The following OTOGL variants were observed in gnomAD, a reference collection of about 807,000 sequenced individuals.
OTOGL encodes otogelin like, also known as otogelin-like protein.
Under a neutral mutation model 318.5 loss-of-function variants are expected in OTOGL, and 285 were observed. The ratio of observed to expected loss-of-function variants is 0.89; its 90% CI spans 0.81 to 0.99. OTOGL has a LOEUF of 0.99. OTOGL is among the 50% of genes least tolerant of loss of function. The probability of loss-of-function intolerance (pLI) is 0.00; values close to 1 mark genes in which losing one functional copy is unlikely to be tolerated. For missense variants in OTOGL, 2,899 were observed against 2,845.6 expected (o/e 1.02, Z -0.43); for synonymous variants, 987 against 936.5 (o/e 1.05, Z -0.99).
At chr12:80,217,205 C>T (rs1203368394) in intron 4 of OTOGL, among the ~76,000 whole-genome samples, 1 of 151,556 alleles carries the variant, frequency 6.6e-6, no homozygotes, top group African/African-American at 2.4e-5. Flanking sequence ...GCAGGCAAAG[C>T]AGTCAATTAT....
At chr12:80,276,268 A>G (rs1883797965) in intron 24 of OTOGL, among the ~76,000 whole-genome samples, 1 of 151,776 alleles carries the variant, frequency 6.6e-6, no homozygotes, top group South Asian at 2.1e-4. Context: ...AGCTATAGGA[A>G]TGGGGGGTAC....
At position 80,318,606 on chromosome 12, in the gene OTOGL, C is replaced by T; in HGVS notation, c.3695C>T (p.Ala1232Val). The T allele has an allele frequency of 6.9e-7, 1 of 1,454,732 alleles. No individual in the cohort carries two copies. The highest frequency in any genetic ancestry group is 9.1e-7 in the Non-Finnish European group (1 of 1,104,132). The allele number at this position is 1,454,732 out of a possible 1,614,324, so 90.1% of individuals were successfully genotyped here. A position where few individuals can be genotyped will look rare whatever the true frequency, so the allele number is the denominator to read the frequency against. The change falls in exon 33 of 59, where the codon GCC becomes GTC. Residue 1232 changes from alanine to valine, a missense_variant. Physicochemically the swap from Ala to Val is moderately conservative, Grantham distance 64. Coordinates refer to ENST00000547103, the MANE Select transcript of OTOGL (RefSeq NM_001378609.3). Reference sequence around the variant, plus strand: ...GGGCAGAGTGGCCTTGTTCTGGGGGCCAATATGACCAGCAGAAGCGTTTTC... The same window carrying T: ...GGGCAGAGTGGCCTTGTTCTGGGGGTCAATATGACCAGCAGAAGCGTTTTC... The part of the protein sequence containing the change: ...SYGQSGLVLG[A>V]NMTSRSVFCL...
chr12:80,200,040 A>G (rs1193489213), intron 1 of OTOGL, among the ~76,000 whole-genome samples: 2 of 152,194 alleles, frequency 1.3e-5, no homozygotes, highest in South Asian at 2.1e-4. Flanking sequence ...GGAGATGACC[A>G]TTGGCATCAT....
chr12:80,111,609 A>T (rs1015735185), intron 1 of OTOGL, among the ~76,000 whole-genome samples: 1 of 152,018 alleles, frequency 6.6e-6, no homozygotes, highest in Non-Finnish European at 1.5e-5. Context: ...TGGTCTATAT[A>T]TCTGTTTTGG....
chr12:80,273,780 C>T (rs1592641577), intron 24 of OTOGL, among the ~76,000 whole-genome samples: 1 of 152,044 alleles, frequency 6.6e-6, no homozygotes, highest in South Asian at 2.1e-4. Context: ...TCTGTTGGTG[C>T]CATTTTCCAA....
intron 48 of OTOGL, 127 bp downstream of exon 48, chr12:80,356,647 AT>A: frequency 2.5e-6 from 2 of 808,228 alleles, no homozygotes; most frequent in South Asian, 2.9e-5. Flanking sequence ...TGTCTTGCTA[AT>A]TTTTTAAACC....
At chr12:80,376,986 T>G in intron 57 of OTOGL, 137 bp from the exon 58 acceptor site, 1 of 515,536 alleles carries the variant, frequency 1.9e-6, no homozygotes, top group Middle Eastern at 5.6e-4. Context: ...AAGAGAGAAG[T>G]TTTAAATATC....
chr12:80,133,993 TA>T lies in OTOGL; in HGVS notation c.-20+34398del, dbSNP rs528738288. On this transcript the variant is annotated intron_variant, in intron 1 of 58. Coordinates refer to ENST00000547103, the MANE Select transcript of OTOGL (RefSeq NM_001378609.3). ...AAACAAACAAAATTAAAAGCTAAAATAAAAAAAAAAGTAGAGTCACTGAATT... is the reference window on the plus strand; with the variant it reads ...AAACAAACAAAATTAAAAGCTAAAATAAAAAAAAAGTAGAGTCACTGAATT... Among the ~76,000 whole-genome samples, 38 of 146,168 alleles carry T rather than the reference TA, an allele frequency of 2.6e-4. 1 individual carries two copies. The highest frequency in any genetic ancestry group is 1.6e-3 in the East Asian group (8 of 5,066).
intron 1 of OTOGL, among the ~76,000 whole-genome samples, chr12:80,126,301 A>G (rs941522711): frequency 1.3e-5 from 2 of 152,040 alleles, no homozygotes; most frequent in African/African-American, 4.8e-5. Flanking sequence ...TTATGTACCC[A>G]GTAGTCATTC....
intron 1 of OTOGL, among the ~76,000 whole-genome samples, chr12:80,147,070 T>A (rs1345377236): frequency 6.6e-6 from 1 of 151,134 alleles, no homozygotes; most frequent in Non-Finnish European, 1.5e-5. Flanking sequence ...TCTGCTCTGA[T>A]TTTAGTTATT....
chr12:80,298,847 T>C (rs1405885436), intron 27 of OTOGL, among the ~76,000 whole-genome samples: 1 of 152,190 alleles, frequency 6.6e-6, no homozygotes, highest in African/African-American at 2.4e-5. Context: ...GTCCAGACTA[T>C]GGAGGCTCTT....
At chr12:80,354,233 A>G (rs148661402) in intron 46 of OTOGL, among the ~76,000 whole-genome samples, 1 of 152,296 alleles carries the variant, frequency 6.6e-6, no homozygotes, top group East Asian at 1.9e-4. Context: ...TTTCCTCTTC[A>G]TATTTTATTC....
At chr12:80,274,858 G>T (rs1309751903) in intron 24 of OTOGL, among the ~76,000 whole-genome samples, 1 of 151,966 alleles carries the variant, frequency 6.6e-6, no homozygotes, top group Non-Finnish European at 1.5e-5. Context: ...GAACAACAAA[G>T]CCTGGGTGGC....
intron 32 of OTOGL, among the ~76,000 whole-genome samples, chr12:80,317,000 T>C (rs1269559652): frequency 6.6e-6 from 1 of 152,168 alleles, no homozygotes; most frequent in African/African-American, 2.4e-5. Context: ...TTTTAAAAAG[T>C]AGTAGAAGAA....
At chr12:80,119,886 T>C (rs1052006503) in intron 1 of OTOGL, among the ~76,000 whole-genome samples, 1 of 152,168 alleles carries the variant, frequency 6.6e-6, no homozygotes, top group Non-Finnish European at 1.5e-5. Context: ...ATACCTTTTA[T>C]GTTTCAAAAA....
At position 80,353,442 on chromosome 12, in the gene OTOGL, G is replaced by C. The variant is rs752283405; in HGVS notation, c.5525G>C (p.Cys1842Ser). The change falls in exon 46 of 59, where the codon TGT becomes TCT. Residue 1842 changes from cysteine (C) to serine (S), a missense_variant. Around this residue, in one of 3 missense-constraint regions of OTOGL, gnomAD observed 2,607 missense variants for 2,524.9 expected, o/e 1.03. Transcript: ENST00000547103. ...TCCTGTTTGAATCTAAGAGAAGACT[G>C]TGTGTGCAAAGTTGGAACTATTCTT... ...HTSCLNLRED[C>S]VCKVGTILHR... 2 of 1,604,356 alleles carry C rather than the reference G, an allele frequency of 1.2e-6. No individual in the cohort carries two copies. The highest frequency in any genetic ancestry group is 8.5e-7 in the Non-Finnish European group (1 of 1,174,980).
chr12:80,193,618 T>G (rs1054474731), intron 1 of OTOGL, among the ~76,000 whole-genome samples: 1 of 152,206 alleles, frequency 6.6e-6, no homozygotes, highest in Admixed American at 6.5e-5. Flanking sequence ...TAACTTATCC[T>G]CATATATGCT....
intron 1 of OTOGL, among the ~76,000 whole-genome samples, chr12:80,153,587 T>C (rs1872926187): frequency 6.6e-6 from 1 of 152,198 alleles, no homozygotes. Flanking sequence ...ACATTAGAGT[T>C]CATTCTTGGT....
chr12:80,152,161 G>T (rs1461405358), intron 1 of OTOGL, among the ~76,000 whole-genome samples: 1 of 152,104 alleles, frequency 6.6e-6, no homozygotes, highest in Non-Finnish European at 1.5e-5. Context: ...GGTCACATGA[G>T]CATGTTAGGC....
Sources: allele counts gnomAD v4.1 joint callset (sites outside exome capture counted in the v4.1 genomes callset), GRCh38; gene constraint gnomAD v4.1.1; regional missense constraint gnomAD v4.1.1; transcripts MANE v1.5; gene names NCBI Gene and HGNC (gene_info 2026-07-23, HGNC 2026-07-21).